Variants in GATAD1 observed in about 807,000 individuals in gnomAD.
The protein encoded by GATAD1 is GATA zinc finger domain containing 1.
A neutral mutation model predicts 26.5 loss-of-function variants in GATAD1; 12 were observed. The ratio of observed to expected loss-of-function variants is 0.45; its 90% CI spans 0.29 to 0.73. The LOEUF (loss-of-function observed/expected upper bound fraction) is 0.73, where lower values mean the gene tolerates loss of function less well. Ranked by LOEUF, GATAD1 falls within the 30% of genes least tolerant of loss-of-function variation. The pLI, the probability that GATAD1 is intolerant of heterozygous loss-of-function variation, is 0.10. For synonymous variants in GATAD1, 129 were observed against 133.1 expected, an observed-to-expected ratio of 0.97 and a Z score of 0.21; for missense variants, 266 against 342.1, an observed-to-expected ratio of 0.78 and a Z score of 1.75.
At chr7:92,454,058 G>A (rs924825696) in intron 3 of GATAD1, 8 of 202,748 alleles carry the variant, frequency 3.9e-5, no homozygotes, top group South Asian at 8.6e-5. Flanking sequence ...ACGTTCATCC[G>A]TGTAACAAGT....
At chr7:92,493,086 G>C in the GATAD1 span, 1 of 1,612,188 alleles carries the variant, frequency 6.2e-7, no homozygotes. Context: ...ATCTGCCAGA[G>C]GTAGAGAGTC....
the GATAD1 span, among the ~76,000 whole-genome samples, chr7:92,474,069 A>T: frequency 2.0e-5 from 3 of 152,244 alleles, no homozygotes; most frequent in South Asian, 6.2e-4. Context: ...CCTATTAGGC[A>T]TTCAATTTGC....
chr7:92,471,624 G>A, the GATAD1 span: 2 of 152,196 alleles, frequency 1.3e-5, no homozygotes, highest in African/African-American at 4.8e-5. Context: ...CATTTCTAAT[G>A]GAGGGTCCTG....
At chr7:92,461,569 T>G (rs1318859630), downstream of GATAD1, among the ~76,000 whole-genome samples, 1 of 152,244 alleles carries the variant, frequency 6.6e-6, no homozygotes, top group Non-Finnish European at 1.5e-5. Flanking sequence ...GCCATCTTTT[T>G]GCTATGAATA....
chr7:92,491,265 A>G, the GATAD1 span: 15 of 1,563,150 alleles, frequency 9.6e-6, no homozygotes, highest in Non-Finnish European at 1.3e-5. Flanking sequence ...ATGACTGCAC[A>G]AGATACCAAA....
chr7:92,481,492 C>T, the GATAD1 span, among the ~76,000 whole-genome samples: 5 of 152,216 alleles, frequency 3.3e-5, no homozygotes, highest in East Asian at 9.6e-4. Flanking sequence ...CGGAAGCTAC[C>T]GCATGGAGAC....
the GATAD1 span, among the ~76,000 whole-genome samples, chr7:92,491,011 C>T: frequency 6.6e-6 from 1 of 152,204 alleles, no homozygotes; most frequent in Non-Finnish European, 1.5e-5. Flanking sequence ...TTTAAAGCCA[C>T]TAGGTAAGAG....
At position 92,456,272 on chromosome 7, in the gene GATAD1, C is replaced by A. The variant is rs1010574833; in HGVS notation, c.620-100C>A. On this transcript the variant is annotated intron_variant, in intron 4 of 4. Transcript: ENST00000287957. ...TTTCAAGGGCTAATGCCAGGTTGCT[C>A]CCAGAGTGGTCTCTCCCAGTGTCTA... 2.0e-5 allele frequency: 13 copies of A among 653,376 alleles called. No individual in the cohort carries two copies. In the African/African-American group the frequency reaches 2.2e-4, roughly 11 times the overall value. 40.5% of individuals were successfully genotyped at this position (653,376 alleles called of 1,614,324 possible). A position where few individuals can be genotyped will look rare whatever the true frequency, so the allele number is the denominator to read the frequency against.
the GATAD1 span, chr7:92,493,421 G>T: frequency 4.4e-5 from 8 of 182,650 alleles, no homozygotes; most frequent in South Asian, 8.3e-4. Flanking sequence ...GATCACTTGA[G>T]CCCTGGAGTT....
Position 92,448,794 on chromosome 7 carries a change from A to C in GATAD1, c.292A>C (p.Thr98Pro). Reference sequence around the variant, plus strand: ...CAGGAGGTCTGCTCGGCTCAGAAACACTAAATACAAATCTGCTCCGGCTGC... The same window carrying C: ...CAGGAGGTCTGCTCGGCTCAGAAACCCTAAATACAAATCTGCTCCGGCTGC... Reference protein sequence around the residue: ...IHRRSARLRNTKYKSAPAAEK... With the variant: ...IHRRSARLRNPKYKSAPAAEK... The change falls in exon 2 of 5, where the codon ACT becomes CCT. Residue 98 changes from threonine to proline, a missense_variant. Physicochemically the swap from Thr to Pro is conservative, Grantham distance 38. Coordinates refer to ENST00000287957, the MANE Select transcript of GATAD1 (RefSeq NM_021167.5). 6.2e-7 allele frequency: 1 copy of C among 1,610,902 alleles called. No individual in the cohort carries two copies. The highest frequency in any genetic ancestry group is 8.5e-7 in the Non-Finnish European group (1 of 1,176,984).
the GATAD1 span, chr7:92,491,671 C>T: frequency 3.4e-6 from 2 of 582,444 alleles, no homozygotes; most frequent in Admixed American, 3.1e-5. Flanking sequence ...AAAAATTTAA[C>T]TATTAAAATT....
the GATAD1 span, among the ~76,000 whole-genome samples, chr7:92,495,648 G>A: frequency 6.6e-6 from 1 of 151,886 alleles, no homozygotes; most frequent in African/African-American, 2.4e-5. Context: ...TATCTTTAGC[G>A]ATGTTTCCCT....
chr7:92,450,847 C>A, intron 3 of GATAD1, 87 bp downstream of exon 3: 1 of 795,572 alleles, frequency 1.3e-6, no homozygotes, highest in South Asian at 1.5e-5. Context: ...AAGGTCTCTG[C>A]TACTCTTTAT....
chr7:92,451,529 A>C (rs569837205), intron 3 of GATAD1, among the ~76,000 whole-genome samples: 2 of 152,312 alleles, frequency 1.3e-5, no homozygotes, highest in South Asian at 4.1e-4. Flanking sequence ...GTGGACTGAG[A>C]AACTCAAGTG....
Position 92,447,575 on chromosome 7 carries a change from G to C in GATAD1, c.-155G>C, listed in dbSNP as rs1339602060. The C allele has an allele frequency of 1.9e-6, 2 of 1,026,496 alleles. No individual in the cohort carries two copies. Among genetic ancestry groups the C allele is most frequent in the Non-Finnish European group, 2.5e-6 (2 of 785,852 alleles). The allele number at this position is 1,026,496 out of a possible 1,614,324, so 63.6% of individuals were successfully genotyped here. The stretch of plus-strand genomic sequence containing the variant: ...ACCCGCTTCCCGCCTCCACGGGGCA[G>C]CGCCAGCGGCCTGGTCCTTTCACCG... On this transcript the variant is annotated 5_prime_UTR_variant, in exon 1 of 5. Coordinates refer to ENST00000287957, the MANE Select transcript of GATAD1 (RefSeq NM_021167.5).
Position 92,456,782 on chromosome 7 carries a change from G to T in GATAD1, c.*220G>T, listed in dbSNP as rs6945183. The T allele has an allele frequency of 0.034, 15,346 of 448,702 alleles. 321 individuals carry two copies. Among genetic ancestry groups the T allele is most frequent in the Non-Finnish European group, 0.042 (10,945 of 257,564 alleles). The allele number at this position is 448,702 out of a possible 1,614,324, so 27.8% of individuals were successfully genotyped here. On this transcript the variant is annotated 3_prime_UTR_variant, in exon 5 of 5. Coordinates refer to ENST00000287957, the MANE Select transcript of GATAD1 (RefSeq NM_021167.5). ...TCTTAGCTGGAAAAGTGACTAAAAA[G>T]TTTTTCTCCTGCTACCTAGTAATAA... is the stretch of plus-strand genomic sequence containing the variant.
the GATAD1 span, among the ~76,000 whole-genome samples, chr7:92,486,611 C>T: frequency 1.3e-5 from 2 of 152,120 alleles, no homozygotes; most frequent in African/African-American, 4.8e-5. Context: ...GCAAGTGATC[C>T]TCCTACCTCA....
chr7:92,454,597 G>A lies in GATAD1; in HGVS notation c.531G>A (p.Gln177=), dbSNP rs766013276. Residue 177 remains glutamine (Q), a synonymous_variant, in exon 4 of 5, where the codon CAG becomes CAA. Coordinates refer to ENST00000287957, the MANE Select transcript of GATAD1 (RefSeq NM_021167.5). Reference sequence around the variant, plus strand: ...AAATCAGAGGTTTTATCCAGGACCAGTATTGCGAGAAGAGTGCAGCACTGA... The same window carrying A: ...AAATCAGAGGTTTTATCCAGGACCAATATTGCGAGAAGAGTGCAGCACTGA... ...YAQIRGFIQD[Q]YCEKSAALTW... 8.7e-6 allele frequency: 14 copies of A among 1,613,424 alleles called. No individual in the cohort carries two copies. The highest frequency in any genetic ancestry group is 1.1e-5 in the Non-Finnish European group (13 of 1,179,318).
At chr7:92,461,996 A>G (rs760147633), downstream of GATAD1, among the ~76,000 whole-genome samples, 3 of 152,212 alleles carry the variant, frequency 2.0e-5, no homozygotes, top group Non-Finnish European at 2.9e-5. Context: ...ACAGAGGGAC[A>G]CCCTATCCAG....
Sources: allele counts gnomAD v4.1 joint callset (sites outside exome capture counted in the v4.1 genomes callset), GRCh38; gene constraint gnomAD v4.1.1; transcripts MANE v1.5; gene names NCBI Gene and HGNC (gene_info 2026-07-23, HGNC 2026-07-21).